Variants in STXBP5L observed in about 807,000 individuals in gnomAD.
STXBP5L encodes the protein syntaxin binding protein 5L.
STXBP5L carries 65 observed loss-of-function variants against 144.5 expected under a neutral mutation model. The ratio of observed to expected loss-of-function variants is 0.45; its 90% CI spans 0.37 to 0.55. STXBP5L has a LOEUF of 0.55. Among genes scored for constraint, STXBP5L ranks in the 20% least tolerant of loss-of-function variants. The probability of loss-of-function intolerance (pLI) is 0.00; values close to 1 mark genes in which losing one functional copy is unlikely to be tolerated. For missense variants in STXBP5L, 1,298 were observed against 1,405.5 expected (o/e 0.92, Z 1.22); for synonymous variants, 505 against 469.6 (o/e 1.08, Z -0.97).
chr3:120,972,802 T>A (rs1303182004), intron 3 of STXBP5L, among the ~76,000 whole-genome samples: 1 of 152,132 alleles, frequency 6.6e-6, no homozygotes, highest in African/African-American at 2.4e-5. Context: ...TATCTAATGC[T>A]TTTTCTTCAT....
chr3:121,236,596 G>A (rs868708620), intron 12 of STXBP5L, among the ~76,000 whole-genome samples: 18 of 152,170 alleles, frequency 1.2e-4, no homozygotes, highest in Non-Finnish European at 1.5e-4. Context: ...GTCCTTAAGG[G>A]AAGACATTAA....
At chr3:121,355,905 A>G (rs1392080011) in intron 20 of STXBP5L, among the ~76,000 whole-genome samples, 3 of 152,158 alleles carry the variant, frequency 2.0e-5, no homozygotes, top group Non-Finnish European at 2.9e-5. Flanking sequence ...TGTTGATGCT[A>G]TTCCTTTCTG....
chr3:121,351,366 C>T (rs2045274683), intron 20 of STXBP5L, among the ~76,000 whole-genome samples: 2 of 152,038 alleles, frequency 1.3e-5, no homozygotes, highest in Non-Finnish European at 2.9e-5. Flanking sequence ...TCAGTCTGCC[C>T]CTAATGGGGG....
At chr3:121,309,830 C>T (rs956212097) in intron 19 of STXBP5L, among the ~76,000 whole-genome samples, 1 of 152,024 alleles carries the variant, frequency 6.6e-6, no homozygotes, top group Non-Finnish European at 1.5e-5. Flanking sequence ...GAAAGTGATT[C>T]TAAAATTTAT....
At chr3:120,987,899 T>G (rs1942454768) in intron 3 of STXBP5L, among the ~76,000 whole-genome samples, 1 of 151,890 alleles carries the variant, frequency 6.6e-6, no homozygotes, top group Admixed American at 6.6e-5. Context: ...AAATGTTTGG[T>G]AGAATTCTCT....
chr3:121,111,461 G>C (rs991205311), intron 5 of STXBP5L, among the ~76,000 whole-genome samples: 1 of 152,142 alleles, frequency 6.6e-6, no homozygotes, highest in Admixed American at 6.5e-5. Flanking sequence ...CTTTCTATTT[G>C]TTATTCTTTT....
At position 121,421,400 on chromosome 3, in the gene STXBP5L, A is replaced by G. The variant is rs2047350312; in HGVS notation, c.*2303A>G. ...TTTGTTGTGGGGAACTGTCCTGTGT[A>G]TTGTAGGATGTTAGCAACATCCCTG... On this transcript the variant is annotated 3_prime_UTR_variant, in exon 27 of 27. Transcript: ENST00000471454. 6.6e-6 allele frequency: 1 copy of G among 150,632 alleles called. No homozygotes were observed. The highest frequency in any genetic ancestry group is 2.4e-5 in the African/African-American group (1 of 41,362). The allele number at this position is 150,632 out of a possible 1,614,324, so 9.3% of individuals were successfully genotyped here.
chr3:121,191,449 G>T lies in STXBP5L; in HGVS notation c.878-14474G>T, dbSNP rs375585531. Among the ~76,000 whole-genome samples the T allele has an allele frequency of 4.6e-5, 7 of 152,318 alleles. No individual in the cohort carries two copies. The East Asian group carries it at 1.4e-3, about 29-fold the overall frequency. ...AGGCATTCGGCAGGCTGAGGCAGGA[G>T]AATCAGGCAGGGAGTTTGCAGTGAG... On this transcript the variant is annotated intron_variant, in intron 9 of 26. Transcript: ENST00000471454.
intron 7 of STXBP5L, 26 bp from the exon 8 acceptor site, chr3:121,152,451 A>G: frequency 1.3e-6 from 2 of 1,512,810 alleles, no homozygotes; most frequent in South Asian, 1.2e-5. Flanking sequence ...TAGAATTAAG[A>G]AAATGATTGT....
At chr3:121,385,423 G>A (rs924195846) in intron 22 of STXBP5L, among the ~76,000 whole-genome samples, 1 of 152,162 alleles carries the variant, frequency 6.6e-6, no homozygotes, top group African/African-American at 2.4e-5. Flanking sequence ...TCACCAAGGA[G>A]ATGGCGCTAA....
chr3:121,412,363 T>A (rs1451462290), intron 23 of STXBP5L, among the ~76,000 whole-genome samples: 1 of 152,048 alleles, frequency 6.6e-6, no homozygotes, highest in Non-Finnish European at 1.5e-5. Context: ...AGAGCCTGAA[T>A]CTCTTCTAAA....
intron 14 of STXBP5L, among the ~76,000 whole-genome samples, chr3:121,242,317 T>C (rs2049696817): frequency 6.6e-6 from 1 of 152,182 alleles, no homozygotes; most frequent in Admixed American, 6.6e-5. Flanking sequence ...CTGATGTTAC[T>C]ATAATCACAT....
chr3:121,210,001 C>A (rs1027587949), intron 10 of STXBP5L, among the ~76,000 whole-genome samples: 7 of 152,232 alleles, frequency 4.6e-5, no homozygotes, highest in African/African-American at 1.4e-4. Flanking sequence ...TCCTTGAGGA[C>A]TCACCACACT....
At chr3:121,096,916 T>C (rs1415559080) in intron 5 of STXBP5L, among the ~76,000 whole-genome samples, 3 of 152,160 alleles carry the variant, frequency 2.0e-5, no homozygotes, top group African/African-American at 7.2e-5. Context: ...CAGGCAGGGA[T>C]GTTTAAGTCT....
At chr3:121,210,135 G>T (rs1306975763) in intron 10 of STXBP5L, among the ~76,000 whole-genome samples, 1 of 152,004 alleles carries the variant, frequency 6.6e-6, no homozygotes, top group Non-Finnish European at 1.5e-5. Flanking sequence ...TCTAACTGGT[G>T]TGAGATGGTA....
intron 3 of STXBP5L, among the ~76,000 whole-genome samples, chr3:120,998,549 C>T (rs960479223): frequency 6.6e-6 from 1 of 152,114 alleles, no homozygotes; most frequent in Non-Finnish European, 1.5e-5. Flanking sequence ...CATTCCCCAA[C>T]AGGCCCCAGT....
At chr3:121,000,610 C>T (rs184661826) in intron 3 of STXBP5L, among the ~76,000 whole-genome samples, 86 of 152,282 alleles carry the variant, frequency 5.6e-4, no homozygotes, top group East Asian at 5.4e-3. Flanking sequence ...AATTCTATGT[C>T]TGTCATTTCA....
chr3:121,069,622 C>T (rs1003744888), intron 5 of STXBP5L, among the ~76,000 whole-genome samples: 1 of 151,840 alleles, frequency 6.6e-6, no homozygotes, highest in Admixed American at 6.6e-5. Context: ...TGTAGGAGAT[C>T]TAGTTTCTCC....
chr3:120,911,143 C>T (rs1193993062), intron 2 of STXBP5L, among the ~76,000 whole-genome samples: 1 of 151,892 alleles, frequency 6.6e-6, no homozygotes, highest in Non-Finnish European at 1.5e-5. Context: ...GAGAATTTTA[C>T]CAGAGGTAAA....
Sources: allele counts gnomAD v4.1 joint callset (sites outside exome capture counted in the v4.1 genomes callset), GRCh38; gene constraint gnomAD v4.1.1; transcripts MANE v1.5; gene names NCBI Gene and HGNC (gene_info 2026-07-23, HGNC 2026-07-21).